Variants in TBC1D8 observed in about 807,000 individuals in gnomAD.
The protein encoded by TBC1D8 is BUB2-like protein 1.
A neutral mutation model predicts 118.8 loss-of-function variants in TBC1D8; 65 were observed. The observed-to-expected ratio is 0.55, with a 90% CI of 0.45 to 0.67. The LOEUF is 0.67. Ranked by LOEUF, TBC1D8 falls within the 30% of genes least tolerant of loss-of-function variation. The pLI is 0.00. For synonymous variants in TBC1D8, 566 were observed against 595.8 expected (o/e 0.95, Z 0.73); for missense variants, 1,376 against 1,471.2 (o/e 0.94, Z 1.06).
At chr2:101,052,931 A>G (rs942495281) in intron 4 of TBC1D8, among the ~76,000 whole-genome samples, 5 of 152,192 alleles carry the variant, frequency 3.3e-5, no homozygotes, top group African/African-American at 7.2e-5. Flanking sequence ...AAACTCTTTT[A>G]TACACAGGTA....
intron 7 of TBC1D8, among the ~76,000 whole-genome samples, 193 bp downstream of exon 7, chr2:101,038,268 G>A (rs941055425): frequency 3.9e-5 from 6 of 152,070 alleles, no homozygotes; most frequent in Admixed American, 6.5e-5. Context: ...GGGTGACCCC[G>A]TCACCCCCTC....
intron 1 of TBC1D8, among the ~76,000 whole-genome samples, chr2:101,134,170 TTCTCTCTC>T (rs34487679): frequency 7.9e-6 from 1 of 126,212 alleles, no homozygotes; most frequent in Non-Finnish European, 1.7e-5. Context: ...TCTCTTCTCT[TTCTCTCTC>T]TCTCTCTCTC....
At chr2:101,048,741 A>T (rs56686582) in intron 5 of TBC1D8, among the ~76,000 whole-genome samples, 63,177 of 127,520 alleles carry the variant, frequency 0.5, 13,670 homozygotes, top group Middle Eastern at 0.62. Flanking sequence ...AAGTCTTTTT[A>T]AAAAAAAAAA....
chr2:101,133,021 G>A (rs569717013), intron 1 of TBC1D8, among the ~76,000 whole-genome samples: 17 of 151,574 alleles, frequency 1.1e-4, no homozygotes, highest in African/African-American at 2.4e-4. Context: ...TTAGCTAGGC[G>A]TGGTGGCGGG....
intron 2 of TBC1D8, among the ~76,000 whole-genome samples, chr2:101,073,711 C>T (rs985226268): frequency 1.3e-5 from 2 of 152,194 alleles, no homozygotes; most frequent in Admixed American, 6.5e-5. Context: ...GCTGCTTCAC[C>T]TTGTACTTTT....
At chr2:101,127,717 C>G (rs576304699) in intron 1 of TBC1D8, among the ~76,000 whole-genome samples, 1 of 152,238 alleles carries the variant, frequency 6.6e-6, no homozygotes, top group African/African-American at 2.4e-5. Context: ...GACCTTTTAG[C>G]ACCATGAGAA....
rs1242929521 is a variant in TBC1D8, at chr2:101,019,302, T to C, written c.2827+2379A>G. ...AAATTCACATTTGATGTAATCTCAT[T>C]ATACTTCCTGATCTGTGATTGAAAA... On this transcript the variant is annotated intron_variant, in intron 17 of 19. Coordinates refer to ENST00000409318, the MANE Select transcript of TBC1D8 (RefSeq NM_001330348.2). 4.3e-5 allele frequency: 15 copies of C among 352,072 alleles called. 1 individual carries two copies. Among genetic ancestry groups the C allele is most frequent in the Non-Finnish European group, 7.8e-5 (15 of 193,250 alleles). The allele number at this position is 352,072 out of a possible 1,614,324, so 21.8% of individuals were successfully genotyped here. A position where few individuals can be genotyped will look rare whatever the true frequency, so the allele number is the denominator to read the frequency against.
chr2:101,129,084 G>A (rs985235929), intron 1 of TBC1D8, among the ~76,000 whole-genome samples: 4 of 152,096 alleles, frequency 2.6e-5, no homozygotes, highest in African/African-American at 9.7e-5. Flanking sequence ...TGGTTAAGAT[G>A]GTAAATTTTA....
chr2:101,008,581 G>A lies in TBC1D8; in HGVS notation c.3016-308C>T, dbSNP rs113218570. On this transcript the variant is annotated intron_variant, in intron 19 of 19. Coordinates refer to ENST00000409318, the MANE Select transcript of TBC1D8 (RefSeq NM_001330348.2). ...TGTAATCCCAGCACTGTGGGAGGCC[G>A]AGGCAGGCGGATCACCTGAGGTTGG... is the stretch of plus-strand genomic sequence containing the variant. Among the ~76,000 whole-genome samples, 74 of 151,820 alleles carry A rather than the reference G, an allele frequency of 4.9e-4. 1 individual carries two copies. Among genetic ancestry groups the A allele is most frequent in the African/African-American group, 1.7e-3 (69 of 41,384 alleles).
intron 2 of TBC1D8, among the ~76,000 whole-genome samples, chr2:101,067,011 C>T (rs1001098629): frequency 2.7e-5 from 4 of 150,572 alleles, no homozygotes; most frequent in East Asian, 3.9e-4. Context: ...ATTAAGTGTG[C>T]GATTGCATTA....
intron 17 of TBC1D8, chr2:101,018,188 G>C (rs1679795341): frequency 2.8e-6 from 1 of 356,572 alleles, no homozygotes; most frequent in Non-Finnish European, 5.1e-6. Flanking sequence ...TTATGTTTTA[G>C]AATTCAAATT....
At chr2:101,076,501 T>G (rs139967680) in intron 2 of TBC1D8, among the ~76,000 whole-genome samples, 1 of 152,344 alleles carries the variant, frequency 6.6e-6, no homozygotes, top group Non-Finnish European at 1.5e-5. Context: ...TACATTCAAT[T>G]AAACCTTTAT....
At chr2:101,042,343 GA>G (rs1681436718) in intron 5 of TBC1D8, among the ~76,000 whole-genome samples, 1 of 152,126 alleles carries the variant, frequency 6.6e-6, no homozygotes, top group South Asian at 2.1e-4. Flanking sequence ...CATACAGAGG[GA>G]AAGATTCTTC....
At position 101,137,750 on chromosome 2, in the gene TBC1D8, C is replaced by T. The variant is rs530207363; in HGVS notation, c.127+13377G>A. Among the ~76,000 whole-genome samples, 4 of 152,228 alleles carry T rather than the reference C, an allele frequency of 2.6e-5. No homozygotes were observed. The South Asian group carries it at 8.3e-4, about 32-fold the overall frequency. On this transcript the variant is annotated intron_variant, in intron 1 of 19. Coordinates refer to ENST00000409318, the MANE Select transcript of TBC1D8 (RefSeq NM_001330348.2). ...CCAGACAAGACAGTACAGGGGTGTCCTACATGCAGGCTCCATGTGACATGA... is the reference window on the plus strand; with the variant it reads ...CCAGACAAGACAGTACAGGGGTGTCTTACATGCAGGCTCCATGTGACATGA...
chr2:101,010,298 G>A (rs2105358112), intron 19 of TBC1D8, among the ~76,000 whole-genome samples: 1 of 152,252 alleles, frequency 6.6e-6, no homozygotes, highest in South Asian at 2.1e-4. Flanking sequence ...AGGAAATGGA[G>A]CAAGCACAGT....
At chr2:101,019,175 T>G (rs1194859649) in intron 17 of TBC1D8, 11 of 1,207,390 alleles carry the variant, frequency 9.1e-6, no homozygotes, top group Non-Finnish European at 1.3e-5. Context: ...GCCAGGCCTG[T>G]TCTACACGGC....
intron 1 of TBC1D8, chr2:101,109,963 C>T: frequency 1.0e-6 from 1 of 985,468 alleles, no homozygotes; most frequent in South Asian, 4.7e-5. Context: ...ATCCTGCTTT[C>T]CTTTCCGCAG....
intron 4 of TBC1D8, among the ~76,000 whole-genome samples, chr2:101,053,494 G>A (rs182606612): frequency 6.6e-6 from 1 of 152,334 alleles, no homozygotes; most frequent in African/African-American, 2.4e-5. Context: ...TACCCAACAT[G>A]AGCACTTGAA....
intron 1 of TBC1D8, among the ~76,000 whole-genome samples, chr2:101,138,179 A>G (rs1678941054): frequency 6.6e-6 from 1 of 152,158 alleles, no homozygotes; most frequent in African/African-American, 2.4e-5. Context: ...TCATGATCCA[A>G]TCACCTCCCA....
Sources: gnomAD v4.1 joint callset for allele counts (sites outside exome capture counted in the v4.1 genomes callset) on GRCh38, gnomAD v4.1.1 for gene constraint, MANE v1.5 for transcripts, NCBI Gene and HGNC (gene_info 2026-07-23, HGNC 2026-07-21) for gene names.